Variants in C19orf12 observed in about 807,000 individuals in gnomAD.
The protein encoded by C19orf12 is protein C19orf12.
Under a neutral mutation model 3.8 loss-of-function variants are expected in C19orf12, and 2 were observed. The ratio of observed to expected loss-of-function variants is 0.53; its 90% CI spans 0.22 to 1.66. The LOEUF (loss-of-function observed/expected upper bound fraction) is 1.66, where lower values mean the gene tolerates loss of function less well. Ranked by LOEUF, C19orf12 falls within the 40% of genes most tolerant of loss-of-function variation. C19orf12 has a pLI of 0.20. For synonymous variants in C19orf12, 89 were observed against 84.6 expected (o/e 1.05, Z -0.28); for missense variants, 156 against 188.8 (o/e 0.83, Z 1.02).
At position 29,709,359 on chromosome 19, in the gene C19orf12, A is replaced by G. The variant is rs558710046; in HGVS notation, c.-10-936T>C. On this transcript the variant is annotated intron_variant, in intron 1 of 2. Coordinates refer to ENST00000323670, the MANE Select transcript of C19orf12 (RefSeq NM_031448.6). ...GGAGAGCCCAAAGGCTGAGAAAATC[A>G]AAGGGGCCACGAGGTGGGGGGTCTC... 1.7e-3 allele frequency among the ~76,000 whole-genome samples: 259 copies of G among 152,302 alleles called. 1 individual carries two copies. Among genetic ancestry groups the G allele is most frequent in the Non-Finnish European group, 3.3e-3 (226 of 68,014 alleles).
chr19:29,699,910 G>A lies in C19orf12; in HGVS notation c.*2802C>T, dbSNP rs1226423232. 2 of 423,060 alleles carry A rather than the reference G, an allele frequency of 4.7e-6. No homozygotes were observed. The highest frequency in any genetic ancestry group is 2.5e-5 in the Admixed American group (1 of 39,836). The allele number at this position is 423,060 out of a possible 1,614,324, so 26.2% of individuals were successfully genotyped here. A position where few individuals can be genotyped will look rare whatever the true frequency, so the allele number is the denominator to read the frequency against. ...CTGAGAAGCAGCGCTTGATTTCCTG[G>A]GGGAAATCAAGAAAAGTGCTTTCGG... On this transcript the variant is annotated 3_prime_UTR_variant, in exon 3 of 3. Coordinates refer to ENST00000323670, the MANE Select transcript of C19orf12 (RefSeq NM_031448.6).
intron 2 of C19orf12, among the ~76,000 whole-genome samples, chr19:29,707,768 T>G (rs1358975175): frequency 6.6e-6 from 1 of 152,158 alleles, no homozygotes; most frequent in Non-Finnish European, 1.5e-5. Context: ...ACAAAGATCA[T>G]TTCCCAGAGG....
chr19:29,700,120 G>A lies in C19orf12; in HGVS notation c.*2592C>T. 1 of 454,074 alleles carries A rather than the reference G, an allele frequency of 2.2e-6. No individual in the cohort carries two copies. Among genetic ancestry groups the A allele is most frequent in the Non-Finnish European group, 4.4e-6 (1 of 226,786 alleles). The allele number at this position is 454,074 out of a possible 1,614,324, so 28.1% of individuals were successfully genotyped here. On this transcript the variant is annotated 3_prime_UTR_variant, in exon 3 of 3. Transcript: ENST00000323670. ...TTTTCCCTGCAGTAGGGGTGGGCAG[G>A]CTGTGGGAGGGGCTGCAGTGGACAC... is the stretch of plus-strand genomic sequence containing the variant.
chr19:29,712,245 A>C (rs1158030407), intron 1 of C19orf12, among the ~76,000 whole-genome samples: 5 of 152,108 alleles, frequency 3.3e-5, no homozygotes, highest in Non-Finnish European at 1.5e-5. Flanking sequence ...CTCTACTAAA[A>C]AAATACAAAA....
At chr19:29,707,298 G>A (rs987962957) in intron 2 of C19orf12, among the ~76,000 whole-genome samples, 3 of 152,146 alleles carry the variant, frequency 2.0e-5, no homozygotes, top group Non-Finnish European at 4.4e-5. Context: ...CAGTGGTTGC[G>A]GTGAGCCGAG....
In C19orf12 at chr19:29,708,245, T is replaced by C. The variant is rs771382701; in HGVS notation, c.160+9A>G. On this transcript the variant is annotated intron_variant, in intron 2 of 2. Coordinates refer to ENST00000323670, the MANE Select transcript of C19orf12 (RefSeq NM_031448.6). ...AGGCTGGCTATCTCTGTGAGACACC[T>C]GCACTTACCAACGGCGAGTCCCGGT... 6.2e-7 allele frequency: 1 copy of C among 1,610,276 alleles called. No homozygotes were observed. The highest frequency in any genetic ancestry group is 1.1e-5 in the South Asian group (1 of 91,038).
chr19:29,715,680 G>A, upstream of C19orf12: 1 of 164,666 alleles, frequency 6.1e-6, no homozygotes, highest in South Asian at 1.2e-4. Flanking sequence ...GGTCAAGGGT[G>A]CTGCGTCAGT....
rs1972182400 is a variant in C19orf12 at position 29,702,885 on chromosome 19, G to T, written c.253C>A (p.Gln85Lys). Residue 85 changes from glutamine to lysine, a missense_variant, in exon 3 of 3, where the codon CAA becomes AAA. Coordinates refer to ENST00000323670, the MANE Select transcript of C19orf12 (RefSeq NM_031448.6). ...QILMELPPAE[Q>K]QRLFNEAAAI... ...GCGGCTTCGTTAAAGAGCCTCTGTT[G>T]CTCGGCAGGGGGCAGCTCCATTAGG... 1.2e-6 allele frequency: 2 copies of T among 1,614,170 alleles called. No homozygotes were observed. The highest frequency in any genetic ancestry group is 2.2e-5 in the East Asian group (1 of 44,878).
chr19:29,708,449 A>G, intron 1 of C19orf12, 26 bp from the exon 2 acceptor site: 1 of 1,610,718 alleles, frequency 6.2e-7, no homozygotes, highest in Non-Finnish European at 8.5e-7. Context: ...TCAGAGGGAC[A>G]GTTTCAATGA....
intron 2 of C19orf12, among the ~76,000 whole-genome samples, chr19:29,707,081 G>C (rs1972416012): frequency 6.6e-6 from 1 of 152,250 alleles, no homozygotes; most frequent in African/African-American, 2.4e-5. Flanking sequence ...AAATGGCCAG[G>C]CACAGTGGCT....
intron 1 of C19orf12, among the ~76,000 whole-genome samples, chr19:29,712,619 T>A (rs142139045): frequency 6.6e-6 from 1 of 152,238 alleles, no homozygotes; most frequent in Non-Finnish European, 1.5e-5. Context: ...GGCGGGGGAC[T>A]CAGAAATTCG....
intron 1 of C19orf12, among the ~76,000 whole-genome samples, chr19:29,711,836 TAA>T (rs1972696899): frequency 1.3e-5 from 2 of 152,062 alleles, no homozygotes; most frequent in Non-Finnish European, 2.9e-5. Flanking sequence ...CTACAGAGGC[TAA>T]AGAGATGTCC....
At chr19:29,713,934 C>T (rs753027830) in intron 1 of C19orf12, among the ~76,000 whole-genome samples, 1 of 147,660 alleles carries the variant, frequency 6.8e-6, no homozygotes. Context: ...CTCAAAGTAT[C>T]CCTCTTTCTT....
intron 2 of C19orf12, among the ~76,000 whole-genome samples, chr19:29,703,378 C>CTTT (rs1165470646): frequency 6.2e-5 from 8 of 128,380 alleles, no homozygotes; most frequent in East Asian, 2.3e-4. Context: ...TTTTTCTTTT[C>CTTT]TTTTTTTTTT....
rs1972019009 is a variant in C19orf12 at position 29,700,321 on chromosome 19, G to A, written c.*2391C>T. The stretch of plus-strand genomic sequence containing the variant: ...GGAGAAGTTGGCATTTGTTCAACAT[G>A]GAAAAAGTGTCCCCCAACTTTGAAG... On this transcript the variant is annotated 3_prime_UTR_variant, in exon 3 of 3. Transcript: ENST00000323670. 2.2e-6 allele frequency: 1 copy of A among 453,978 alleles called. No individual in the cohort carries two copies. The highest frequency in any genetic ancestry group is 4.4e-6 in the Non-Finnish European group (1 of 226,794). 28.1% of individuals were successfully genotyped at this position (453,978 alleles called of 1,614,324 possible).
chr19:29,699,175 A>G lies in C19orf12; in HGVS notation c.*3537T>C, dbSNP rs1473865050. ...ATAAGAAGGCAAGTACGTTAGAAAT[A>G]TACATACATAGGCCGGGCGCAGTGG... On this transcript the variant is annotated 3_prime_UTR_variant, in exon 3 of 3. Transcript: ENST00000323670. 6 of 453,866 alleles carry G rather than the reference A, an allele frequency of 1.3e-5. No homozygotes were observed. Among genetic ancestry groups the G allele is most frequent in the Non-Finnish European group, 2.6e-5 (6 of 226,774 alleles). 28.1% of individuals were successfully genotyped at this position (453,866 alleles called of 1,614,324 possible).
chr19:29,709,507 G>A (rs1450502316), intron 1 of C19orf12, among the ~76,000 whole-genome samples: 1 of 151,666 alleles, frequency 6.6e-6, no homozygotes, highest in East Asian at 2.0e-4. Context: ...GGAAGTTATG[G>A]ATAGATTCTA....
chr19:29,713,421 C>G (rs1310732389), intron 1 of C19orf12, among the ~76,000 whole-genome samples: 1 of 152,044 alleles, frequency 6.6e-6, no homozygotes, highest in South Asian at 2.1e-4. Flanking sequence ...GAGACGGAGA[C>G]AAGCCCATCT....
intron 2 of C19orf12, among the ~76,000 whole-genome samples, chr19:29,707,708 C>T (rs1972446861): frequency 6.6e-6 from 1 of 152,176 alleles, no homozygotes; most frequent in East Asian, 1.9e-4. Context: ...CCCCACACTT[C>T]TGAGACATTC....
Sources: allele counts gnomAD v4.1 joint callset (sites outside exome capture counted in the v4.1 genomes callset), GRCh38; gene constraint gnomAD v4.1.1; transcripts MANE v1.5; gene names NCBI Gene and HGNC (gene_info 2026-07-23, HGNC 2026-07-21).